MFSD8: variants seen among roughly 807,000 people sequenced by gnomAD.
MFSD8 encodes the protein major facilitator superfamily domain containing 8, also known as major facilitator superfamily domain-containing protein 8.
MFSD8 carries 55 observed loss-of-function variants against 66.4 expected under a neutral mutation model. The ratio of observed to expected loss-of-function variants is 0.83; its 90% CI spans 0.67 to 1.04. MFSD8 has a LOEUF of 1.04. MFSD8 is among the 50% of genes least tolerant of loss of function. MFSD8 has a pLI of 0.00. For missense variants in MFSD8, 550 were observed against 627.6 expected (o/e 0.88, Z 1.32); for synonymous variants, 202 against 212.8 (o/e 0.95, Z 0.44).
At chr4:127,955,716 T>G (rs1342838484) in intron 2 of MFSD8, among the ~76,000 whole-genome samples, 1 of 152,066 alleles carries the variant, frequency 6.6e-6, no homozygotes, top group African/African-American at 2.4e-5. Context: ...ATAGATTGAA[T>G]TTTGTTTTGT....
intron 1 of MFSD8, among the ~76,000 whole-genome samples, chr4:127,962,324 G>GTTTTTTTT (rs1743923875): frequency 6.6e-6 from 1 of 151,966 alleles, no homozygotes; most frequent in African/African-American, 2.4e-5. Context: ...AAAATTAGCC[G>GTTTTTTTT]TGTCTGGTGG....
intron 1 of MFSD8, chr4:127,964,707 G>T: frequency 2.7e-6 from 1 of 374,790 alleles, no homozygotes; most frequent in South Asian, 2.3e-5. Context: ...TGGGCTGAAG[G>T]GCTCCTCAAG....
chr4:127,946,847 G>A (rs1256535580), intron 3 of MFSD8, among the ~76,000 whole-genome samples: 1 of 151,632 alleles, frequency 6.6e-6, no homozygotes, highest in Non-Finnish European at 1.5e-5. Flanking sequence ...CCTTGGAGGT[G>A]GAGGCTGCAG....
intron 2 of MFSD8, among the ~76,000 whole-genome samples, chr4:127,953,946 T>A (rs1456866423): frequency 6.6e-6 from 1 of 152,182 alleles, no homozygotes; most frequent in African/African-American, 2.4e-5. Context: ...ATAGAAAATA[T>A]ATGGAAAATA....
intron 1 of MFSD8, among the ~76,000 whole-genome samples, chr4:127,959,943 C>T (rs1743473335): frequency 6.6e-6 from 1 of 152,138 alleles, no homozygotes; most frequent in Admixed American, 6.5e-5. Flanking sequence ...GATTGAATTT[C>T]CAGAGGCTTC....
At chr4:127,951,215 C>T (rs1741899492) in intron 2 of MFSD8, among the ~76,000 whole-genome samples, 1 of 152,046 alleles carries the variant, frequency 6.6e-6, no homozygotes, top group Admixed American at 6.6e-5. Context: ...GTGCAACCAT[C>T]ATTACAGTCA....
At chr4:127,950,055 TAAC>T (rs942148592) in intron 2 of MFSD8, among the ~76,000 whole-genome samples, 12 of 152,200 alleles carry the variant, frequency 7.9e-5, no homozygotes, top group African/African-American at 2.9e-4. Context: ...CTCATCATAA[TAAC>T]AAATACAAAA....
upstream of MFSD8, chr4:127,965,244 T>G (rs761345953): frequency 2.9e-6 from 4 of 1,380,866 alleles, no homozygotes; most frequent in Admixed American, 5.7e-5. Context: ...CGTGCGCACC[T>G]GACGGTCAGA....
At chr4:127,925,347 A>C (rs923871322) in intron 9 of MFSD8, among the ~76,000 whole-genome samples, 2 of 152,246 alleles carry the variant, frequency 1.3e-5, no homozygotes, top group African/African-American at 4.8e-5. Context: ...TATCCATCTG[A>C]TAAAGGTCTA....
At chr4:127,940,149 G>T (rs1450941968) in intron 5 of MFSD8, 152 bp from the exon 6 acceptor site, 2 of 768,808 alleles carry the variant, frequency 2.6e-6, no homozygotes, top group Non-Finnish European at 4.1e-6. Context: ...GTTCTTGATG[G>T]GGGGTCAAAA....
chr4:127,920,500 G>T lies in MFSD8; in HGVS notation c.*130C>A. 2 of 861,914 alleles carry T rather than the reference G, an allele frequency of 2.3e-6. No homozygotes were observed. The highest frequency in any genetic ancestry group is 3.9e-6 in the Non-Finnish European group (2 of 512,778). The allele number at this position is 861,914 out of a possible 1,614,324, so 53.4% of individuals were successfully genotyped here. Reference sequence around the variant, plus strand: ...GAATTCTCTCTGTTATTCAACATATGTTCTTGTTCTTCAAAATCTGCAATA... The same window carrying T: ...GAATTCTCTCTGTTATTCAACATATTTTCTTGTTCTTCAAAATCTGCAATA... On this transcript the variant is annotated 3_prime_UTR_variant, in exon 12 of 12. Coordinates refer to ENST00000641686, the MANE Select transcript of MFSD8 (RefSeq NM_001371596.2).
intron 9 of MFSD8, among the ~76,000 whole-genome samples, chr4:127,928,974 G>A (rs185806627): frequency 1.1e-4 from 17 of 152,188 alleles, no homozygotes; most frequent in African/African-American, 3.4e-4. Context: ...AGTGAAATAA[G>A]CCAAGCACAG....
intron 1 of MFSD8, among the ~76,000 whole-genome samples, chr4:127,960,146 T>C (rs1016523948): frequency 6.6e-6 from 1 of 152,244 alleles, no homozygotes; most frequent in African/African-American, 2.4e-5. Context: ...ATACTCCAAA[T>C]GATAGCATGC....
chr4:127,956,511 A>G (rs1742905517), intron 2 of MFSD8, among the ~76,000 whole-genome samples: 1 of 150,910 alleles, frequency 6.6e-6, no homozygotes. Flanking sequence ...AAAAAAAAAA[A>G]AAAAGAAAAA....
intron 6 of MFSD8, chr4:127,939,626 A>C (rs1186236310): frequency 4.9e-5 from 16 of 328,022 alleles, no homozygotes; most frequent in East Asian, 1.2e-4. Context: ...AAAAAAAAAA[A>C]AAAAAACTTT....
At chr4:127,954,715 G>C (rs1742570483) in intron 2 of MFSD8, among the ~76,000 whole-genome samples, 1 of 152,208 alleles carries the variant, frequency 6.6e-6, no homozygotes. Flanking sequence ...AAGAGTCCTG[G>C]AATGGGAGAA....
At chr4:127,930,913 A>T in intron 8 of MFSD8, 96 bp from the exon 9 acceptor site, 2 of 1,185,938 alleles carry the variant, frequency 1.7e-6, no homozygotes, top group Non-Finnish European at 2.4e-6. Flanking sequence ...CTACACATTC[A>T]AGAATGTGCA....
chr4:127,945,197 T>C (rs916171690), intron 3 of MFSD8: 2 of 152,212 alleles, frequency 1.3e-5, no homozygotes, highest in African/African-American at 2.4e-5. Flanking sequence ...TCCTATTTAA[T>C]GGCTTTTATT....
chr4:127,927,065 C>T lies in MFSD8; in HGVS notation c.998+3618G>A, dbSNP rs150212295. Among the ~76,000 whole-genome samples the T allele has an allele frequency of 9.2e-5, 14 of 152,246 alleles. No individual in the cohort carries two copies. The East Asian group carries it at 1.5e-3, about 17-fold the overall frequency. On this transcript the variant is annotated intron_variant, in intron 9 of 11. Transcript: ENST00000641686. Reference sequence around the variant, plus strand: ...ATATCCAACACTTTATTATAAAATACGCTTTGTGTTAGATGATTTAGCCAA... The same window carrying T: ...ATATCCAACACTTTATTATAAAATATGCTTTGTGTTAGATGATTTAGCCAA...
Sources: gnomAD v4.1 joint callset for allele counts (sites outside exome capture counted in the v4.1 genomes callset) on GRCh38, gnomAD v4.1.1 for gene constraint, MANE v1.5 for transcripts, NCBI Gene and HGNC (gene_info 2026-07-23, HGNC 2026-07-21) for gene names.